Variants in MFN2 observed in about 807,000 individuals in gnomAD.
The protein encoded by MFN2 is mitofusin 2.
In MFN2, 43 loss-of-function variants were observed where a neutral mutation model predicts 87.5. That is an observed-to-expected ratio of 0.49 (90% CI 0.38 to 0.63). The LOEUF is 0.63. MFN2 is among the 30% of genes least tolerant of loss of function. MFN2 has a pLI of 0.00. For missense variants in MFN2, 743 were observed against 972.8 expected, an observed-to-expected ratio of 0.76 and a Z score of 3.14; for synonymous variants, 337 against 359.9, an observed-to-expected ratio of 0.94 and a Z score of 0.72.
chr1:12,004,831 C>T lies in MFN2; in HGVS notation c.1399C>T (p.His467Tyr). ...VVLKVYKNEL[H>Y]RHIEEGLGRN... ...TTCCCTCTTCTGGTGGCAGGAGCTG[C>T]ACCGCCACATAGAGGAAGGACTGGG... Residue 467 changes from histidine to tyrosine, a missense_variant, in exon 14 of 19, where the codon CAC becomes TAC. Coordinates refer to ENST00000235329, the MANE Select transcript of MFN2 (RefSeq NM_014874.4). The surrounding 1 kb of genome is among the most constrained non-coding windows in gnomAD (Gnocchi z 4.2). 11 of 1,613,684 alleles carry T rather than the reference C, an allele frequency of 6.8e-6. No individual in the cohort carries two copies. Among genetic ancestry groups the T allele is most frequent in the Non-Finnish European group, 9.3e-6 (11 of 1,179,736 alleles).
chr1:11,999,116 G>T (rs894081457), intron 8 of MFN2, 21 bp downstream of exon 8: 14 of 1,609,456 alleles, frequency 8.7e-6, no homozygotes, highest in Non-Finnish European at 1.1e-5. Context: ...CTGTTTGGCA[G>T]TTTGGGGAAT....
Position 12,005,694 on chromosome 1 carries a change from A to C in MFN2, c.1496-17A>C. 6.2e-7 allele frequency: 1 copy of C among 1,613,016 alleles called. No homozygotes were observed. Among genetic ancestry groups the C allele is most frequent in the African/African-American group, 1.3e-5 (1 of 75,000 alleles). Reference sequence around the variant, plus strand: ...GGCTGAGCTGATAAGCTTTTCCTCCATTTCTCTTCCTGACAGATGGCTTGA... The same window carrying C: ...GGCTGAGCTGATAAGCTTTTCCTCCCTTTCTCTTCCTGACAGATGGCTTGA... On this transcript the variant is annotated splice_polypyrimidine_tract_variant and intron_variant, in intron 14 of 18. Transcript: ENST00000235329.
At position 11,999,037 on chromosome 1, in the gene MFN2, T is replaced by C. The variant is rs1267396322; in HGVS notation, c.758T>C (p.Ile253Thr). ...KVSERLSRPN[I>T]FILNNRWDAS... Reference sequence around the variant, plus strand: ...AGTGAGCGTCTCTCCCGGCCAAACATCTTCATCCTGAACAACCGCTGGGAT... The same window carrying C: ...AGTGAGCGTCTCTCCCGGCCAAACACCTTCATCCTGAACAACCGCTGGGAT... The change falls in exon 8 of 19, where the codon ATC (isoleucine) becomes ACC (threonine). Residue 253 changes from isoleucine to threonine, a missense_variant. By Grantham distance (89) the Ile-to-Thr change is moderately conservative (BLOSUM62 -1). This residue lies in a region of MFN2 where 571 missense variants were observed against 670.7 expected (regional missense o/e 0.85). Transcript: ENST00000235329. 4 of 1,614,034 alleles carry C rather than the reference T, an allele frequency of 2.5e-6. No individual in the cohort carries two copies.
chr1:11,985,738 G>A (rs2100792111), intron 2 of MFN2, among the ~76,000 whole-genome samples: 1 of 152,184 alleles, frequency 6.6e-6, no homozygotes, highest in East Asian at 1.9e-4. Context: ...AAAGTGCTGG[G>A]ATTACAGGCA....
At position 11,992,704 on chromosome 1, in the gene MFN2, GCACC is replaced by G; in HGVS notation, c.311+20_311+23del. 6.2e-7 allele frequency: 1 copy of G among 1,614,194 alleles called. No individual in the cohort carries two copies. The highest frequency in any genetic ancestry group is 8.5e-7 in the Non-Finnish European group (1 of 1,180,030). On this transcript the variant is annotated intron_variant, in intron 4 of 18. Coordinates refer to ENST00000235329, the MANE Select transcript of MFN2 (RefSeq NM_014874.4). Reference sequence around the variant, plus strand: ...TTTTTTTGGCCGGTAAGTCCTTGAGGCACCCACCCTTTCTTTCTTCCTGGCTAGG... The same window carrying G: ...TTTTTTTGGCCGGTAAGTCCTTGAGGCACCCTTTCTTTCTTCCTGGCTAGG...
In MFN2 at chr1:12,011,693, C is replaced by T. The variant is rs1639706669; in HGVS notation, c.*128C>T. The T allele has an allele frequency of 1.0e-6, 1 of 972,898 alleles. No individual in the cohort carries two copies. Among genetic ancestry groups the T allele is most frequent in the South Asian group, 1.3e-5 (1 of 74,356 alleles). 60.3% of individuals were successfully genotyped at this position (972,898 alleles called of 1,614,324 possible). ...CTGCCAAGAGAATGAAGCACCCAGT[C>T]TCGTACCATTTTGAGCCCTCCAGCA... On this transcript the variant is annotated 3_prime_UTR_variant, in exon 19 of 19. Coordinates refer to ENST00000235329, the MANE Select transcript of MFN2 (RefSeq NM_014874.4).
rs1639336153 is a variant in MFN2, at chr1:12,004,902, G to A, written c.1470G>A (p.Leu490=). 6.2e-7 allele frequency: 1 copy of A among 1,611,564 alleles called. No homozygotes were observed. Among genetic ancestry groups the A allele is most frequent in the South Asian group, 1.1e-5 (1 of 90,492 alleles). ...GCTCCACGGCCATCACCAACTCCCT[G>A]CAGACCATGCAGCAGGACATGATAG... The part of the protein sequence containing the change: ...DRCSTAITNS[L]QTMQQDMIDG... The change falls in exon 14 of 19, where the codon CTG becomes CTA. Residue 490 remains leucine (L), a synonymous_variant. Coordinates refer to ENST00000235329, the MANE Select transcript of MFN2 (RefSeq NM_014874.4). The surrounding 1 kb of genome is among the most constrained non-coding windows in gnomAD (Gnocchi z 4.2).
In MFN2 at chr1:12,003,051, T is replaced by C. The variant is rs1358578421; in HGVS notation, c.1161-941T>C. ...CTGCTGTAGTATATTCCATTGTGAA[T>C]ATGCCTCATTTTCCTATGGATGGAA... On this transcript the variant is annotated intron_variant, in intron 11 of 18. Transcript: ENST00000235329. The surrounding 1 kb of genome is among the most constrained non-coding windows in gnomAD (Gnocchi z 4.1). Among the ~76,000 whole-genome samples, 1 of 152,204 alleles carries C rather than the reference T, an allele frequency of 6.6e-6. No homozygotes were observed. Among genetic ancestry groups the C allele is most frequent in the Admixed American group, 6.5e-5 (1 of 15,282 alleles).
intron 17 of MFN2, 60 bp downstream of exon 17, chr1:12,007,309 C>T (rs947516020): frequency 1.3e-6 from 2 of 1,572,902 alleles, no homozygotes; most frequent in African/African-American, 1.4e-5. Flanking sequence ...AGCCCCATCT[C>T]CCTTCCCCAT....
chr1:12,001,885 C>T, intron 10 of MFN2, 49 bp downstream of exon 10: 1 of 1,613,920 alleles, frequency 6.2e-7, no homozygotes. Context: ...TCCCCAGCTC[C>T]CATTGGCTGT....
chr1:12,000,068 G>C (rs1317109458), intron 8 of MFN2, among the ~76,000 whole-genome samples: 1 of 149,916 alleles, frequency 6.7e-6, no homozygotes, highest in Non-Finnish European at 1.5e-5. Flanking sequence ...CTGTACTCCA[G>C]CCTGGGCAAG....
At chr1:11,992,294 A>G in intron 3 of MFN2, 1 of 531,198 alleles carries the variant, frequency 1.9e-6, no homozygotes, top group Non-Finnish European at 3.4e-6. Flanking sequence ...TAAGACCCAG[A>G]AAGGTTCTTT....
At chr1:12,001,715 C>T (rs779091948) in intron 9 of MFN2, 54 bp from the exon 10 acceptor site, 49 of 1,608,400 alleles carry the variant, frequency 3.0e-5, no homozygotes, top group South Asian at 7.7e-5. Context: ...GGGATTTCAT[C>T]GTTTTCCTCT....
rs369186298 is a variant in MFN2, at chr1:11,998,739, T to G, written c.600-31T>G. The stretch of plus-strand genomic sequence containing the variant: ...GGAAGAATAGGGCTCCTGCTCTGCC[T>G]GATGATTTGGTTTACCCCTGTCACC... On this transcript the variant is annotated intron_variant, in intron 6 of 18. Transcript: ENST00000235329. The G allele has an allele frequency of 1.3e-6, 2 of 1,597,472 alleles. No individual in the cohort carries two copies. Among genetic ancestry groups the G allele is most frequent in the Non-Finnish European group, 1.7e-6 (2 of 1,164,882 alleles).
rs1039594145 is a variant in MFN2, at chr1:11,980,472, C to T, written c.-162C>T. The T allele has an allele frequency of 4.8e-5, 19 of 398,266 alleles. No homozygotes were observed. Among genetic ancestry groups the T allele is most frequent in the African/African-American group, 3.3e-4 (16 of 48,720 alleles). 24.7% of individuals were successfully genotyped at this position (398,266 alleles called of 1,614,324 possible). A position where few individuals can be genotyped will look rare whatever the true frequency, so the allele number is the denominator to read the frequency against. On this transcript the variant is annotated 5_prime_UTR_variant, in exon 1 of 19. Coordinates refer to ENST00000235329, the MANE Select transcript of MFN2 (RefSeq NM_014874.4). ...GTGAGTGTGATGGCCGCCGCGAGGC[C>T]GGGAAGGTGAAGGTGAGAGGGCGAG...
At chr1:11,984,842 C>T (rs1018139133) in intron 2 of MFN2, among the ~76,000 whole-genome samples, 2 of 152,234 alleles carry the variant, frequency 1.3e-5, no homozygotes, top group African/African-American at 4.8e-5. Context: ...AACTACACGC[C>T]TCTTCCCCCA....
chr1:11,997,038 CAAAAAAAAAAAAA>C (rs35141271), intron 5 of MFN2, among the ~76,000 whole-genome samples: 1 of 99,816 alleles, frequency 1.0e-5, no homozygotes, highest in African/African-American at 3.7e-5. Flanking sequence ...GACTCCGTCT[CAAAAAAAAAAAAA>C]AAAAAAGAAT....
rs879253862 is a variant in MFN2 at position 11,997,348 on chromosome 1, G to A, written c.526G>A (p.Gly176Ser). Reference protein sequence around the residue: ...ALHQDKQLHAGSLVSVMWPNS... With the variant: ...ALHQDKQLHASSLVSVMWPNS... Reference sequence around the variant, plus strand: ...CCACCAGGACAAGCAGCTCCATGCCGGCAGCCTAGTGAGTGTGATGTGGCC... The same window carrying A: ...CCACCAGGACAAGCAGCTCCATGCCAGCAGCCTAGTGAGTGTGATGTGGCC... Residue 176 changes from glycine (G) to serine (S), a missense_variant, in exon 6 of 19, where the codon GGC (glycine) becomes AGC (serine). By Grantham distance (56) the Gly-to-Ser change is moderately conservative. Around this residue, in one of 3 missense-constraint regions of MFN2, gnomAD observed 141 missense variants for 278.9 expected, o/e 0.51. Coordinates refer to ENST00000235329, the MANE Select transcript of MFN2 (RefSeq NM_014874.4). 6.2e-7 allele frequency: 1 copy of A among 1,614,178 alleles called. No homozygotes were observed. Among genetic ancestry groups the A allele is most frequent in the Non-Finnish European group, 8.5e-7 (1 of 1,180,030 alleles).
intron 3 of MFN2, among the ~76,000 whole-genome samples, chr1:11,990,456 TG>T (rs1355039333): frequency 1.3e-5 from 2 of 152,242 alleles, no homozygotes; most frequent in Non-Finnish European, 2.9e-5. Flanking sequence ...CATGCAGAGA[TG>T]GGGTAGATCA....
Sources: allele counts gnomAD v4.1 joint callset (sites outside exome capture counted in the v4.1 genomes callset), GRCh38; gene constraint gnomAD v4.1.1; regional missense constraint gnomAD v4.1.1; non-coding constraint Gnocchi (gnomAD v3.1); transcripts MANE v1.5; gene names NCBI Gene and HGNC (gene_info 2026-07-23, HGNC 2026-07-21).